The following PHKA2 variants were observed in gnomAD, a reference collection of about 807,000 sequenced individuals.
PHKA2 encodes phosphorylase kinase regulatory subunit alpha 2.
PHKA2 carries 31 observed loss-of-function variants against 102.0 expected under a neutral mutation model. The ratio of observed to expected loss-of-function variants is 0.30; its 90% CI spans 0.23 to 0.41. The LOEUF is 0.41. Ranked by LOEUF, PHKA2 falls within the 10% of genes least tolerant of loss-of-function variation. The pLI, the probability that PHKA2 is intolerant of heterozygous loss-of-function variation, is 1.00. For synonymous variants in PHKA2, 455 were observed against 416.2 expected (o/e 1.09, Z -1.13); for missense variants, 858 against 1,023.1 (o/e 0.84, Z 2.20).
chrX:18,944,781 A>G (rs757018107), intron 6 of PHKA2, among the ~76,000 whole-genome samples: 1 of 112,180 alleles, frequency 8.9e-6, no homozygotes, highest in South Asian at 3.7e-4. Context: ...AGAAGACTGG[A>G]CATCACACGT....
At chrX:18,976,099 C>T (rs1004937277) in intron 1 of PHKA2, among the ~76,000 whole-genome samples, 1 of 107,041 alleles carries the variant, frequency 9.3e-6, no homozygotes. Flanking sequence ...CTCAGCCTCC[C>T]GAGTAGCTAG....
At chrX:18,903,837 C>T (rs745616160) in intron 26 of PHKA2, among the ~76,000 whole-genome samples, 2 of 112,061 alleles carry the variant, frequency 1.8e-5, no homozygotes, top group African/African-American at 3.2e-5. Context: ...CAAGTGTGAT[C>T]GTATCACTGC....
intron 27 of PHKA2, 104 bp downstream of exon 27, chrX:18,901,381 G>T: frequency 1.7e-6 from 1 of 571,655 alleles, no homozygotes; most frequent in Non-Finnish European, 3.2e-6. Flanking sequence ...CCACTCTACA[G>T]ACAGTGGGCT....
At chrX:18,968,825 T>C (rs747151868) in intron 1 of PHKA2, among the ~76,000 whole-genome samples, 115 of 112,589 alleles carry the variant, frequency 1.0e-3, no homozygotes, top group African/African-American at 3.2e-3. Flanking sequence ...CTCATACATG[T>C]TTCCCCAAAA....
At position 18,905,925 on chromosome X, in the gene PHKA2, T is replaced by C. The variant is rs763211217; in HGVS notation, c.2807-66A>G. On this transcript the variant is annotated intron_variant, in intron 25 of 32. Coordinates refer to ENST00000379942, the MANE Select transcript of PHKA2 (RefSeq NM_000292.3). The stretch of plus-strand genomic sequence containing the variant: ...GGTGGCGGGTAAAGGTAGGGTCAGG[T>C]GGACGTGGGTGGGGAGGGAGGTGAT... 305 of 757,805 alleles carry C rather than the reference T, an allele frequency of 4.0e-4. 1 individual carries two copies. In the African/African-American group the frequency reaches 5.6e-3, roughly 14 times the overall value. 62.5% of individuals were successfully genotyped at this position (757,805 alleles called of 1,213,427 possible).
chrX:18,953,249 G>A (rs190622409), intron 2 of PHKA2, among the ~76,000 whole-genome samples: 89 of 111,657 alleles, frequency 8.0e-4, no homozygotes, highest in African/African-American at 2.9e-3. Flanking sequence ...CTGTGTTCAG[G>A]GACAGATTAT....
At chrX:18,946,245 TAG>T (rs1242297790) in intron 5 of PHKA2, among the ~76,000 whole-genome samples, 1 of 111,150 alleles carries the variant, frequency 9.0e-6, no homozygotes, top group African/African-American at 3.3e-5. Flanking sequence ...TTTCAAAATA[TAG>T]AGATTGAGAC....
chrX:18,972,635 GA>G (rs2049031823), intron 1 of PHKA2, among the ~76,000 whole-genome samples: 1 of 112,015 alleles, frequency 8.9e-6, no homozygotes, highest in South Asian at 3.7e-4. Context: ...TTGCTACTGT[GA>G]ATGCTTTTCT....
At chrX:18,983,699 G>A (rs1466435294) in intron 1 of PHKA2, among the ~76,000 whole-genome samples, 156 bp downstream of exon 1, 4 of 112,483 alleles carry the variant, frequency 3.6e-5, no homozygotes, top group African/African-American at 1.3e-4. Context: ...GCACGGGGTG[G>A]CAATGGGGTG....
chrX:18,903,739 C>T (rs1171577229), intron 26 of PHKA2, among the ~76,000 whole-genome samples: 1 of 112,111 alleles, frequency 8.9e-6, no homozygotes, highest in Non-Finnish European at 1.9e-5. Context: ...CAACCTATCG[C>T]ACCAGCCTCG....
At position 18,952,629 on chromosome X, in the gene PHKA2, T is replaced by C. The variant is rs114883556; in HGVS notation, c.238-88A>G. On this transcript the variant is annotated intron_variant, in intron 2 of 32. Transcript: ENST00000379942. The stretch of plus-strand genomic sequence containing the variant: ...CTGATCACTGTGGCTGGCAAGCCAG[T>C]GCTGCCCAGCAACTGCCCTGGAAAG... 2,827 of 917,123 alleles carry C rather than the reference T, an allele frequency of 3.1e-3. 48 individuals carry two copies. The African/African-American group carries it at 0.049, about 16-fold the overall frequency. 75.6% of individuals were successfully genotyped at this position (917,123 alleles called of 1,213,427 possible). A position where few individuals can be genotyped will look rare whatever the true frequency, so the allele number is the denominator to read the frequency against.
Position 18,893,671 on chromosome X carries a change from G to A in PHKA2, c.3538-16C>T. 1 of 1,202,042 alleles carries A rather than the reference G, an allele frequency of 8.3e-7. No individual in the cohort carries two copies. Among genetic ancestry groups the A allele is most frequent in the African/African-American group, 1.7e-5 (1 of 57,739 alleles). On this transcript the variant is annotated splice_polypyrimidine_tract_variant and intron_variant, in intron 32 of 32. Coordinates refer to ENST00000379942, the MANE Select transcript of PHKA2 (RefSeq NM_000292.3). ...CAATTGACACCTGCAGTAGGAAAGG[G>A]CAGAGGGGACAATAAGCGGAGCCCC...
chrX:18,957,203 C>A (rs745379595), intron 1 of PHKA2, among the ~76,000 whole-genome samples: 19 of 112,763 alleles, frequency 1.7e-4, no homozygotes, highest in Non-Finnish European at 3.2e-4. Flanking sequence ...CGCACCCAGC[C>A]ACTGCTTTCC....
chrX:18,960,327 C>T (rs949938841), intron 1 of PHKA2, among the ~76,000 whole-genome samples: 1 of 112,062 alleles, frequency 8.9e-6, no homozygotes, highest in African/African-American at 3.2e-5. Context: ...TGTTATGATG[C>T]CATTCTCATA....
chrX:18,977,030 G>A (rs2049098939), intron 1 of PHKA2, among the ~76,000 whole-genome samples: 2 of 111,721 alleles, frequency 1.8e-5, no homozygotes, highest in Non-Finnish European at 3.8e-5. Flanking sequence ...ATACATGTAA[G>A]GATATAAATT....
chrX:18,965,593 G>T (rs1037716702), intron 1 of PHKA2, among the ~76,000 whole-genome samples: 3 of 110,680 alleles, frequency 2.7e-5, no homozygotes, highest in African/African-American at 6.6e-5. Flanking sequence ...GGGTGTGTGT[G>T]GGGGGTGCAC....
At chrX:18,975,868 G>A (rs2049081472) in intron 1 of PHKA2, among the ~76,000 whole-genome samples, 1 of 110,143 alleles carries the variant, frequency 9.1e-6, no homozygotes, top group Non-Finnish European at 1.9e-5. Context: ...GCAGCCAATG[G>A]AGTGACTCTT....
At position 18,926,413 on chromosome X, in the gene PHKA2, C is replaced by T. The variant is rs371146464; in HGVS notation, c.1459+40G>A. The T allele has an allele frequency of 5.5e-5, 61 of 1,119,187 alleles. No individual in the cohort carries two copies. The African/African-American group carries it at 9.0e-4, about 17-fold the overall frequency. The allele number at this position is 1,119,187 out of a possible 1,213,427, so 92.2% of individuals were successfully genotyped here. A position where few individuals can be genotyped will look rare whatever the true frequency, so the allele number is the denominator to read the frequency against. On this transcript the variant is annotated intron_variant, in intron 14 of 32. Coordinates refer to ENST00000379942, the MANE Select transcript of PHKA2 (RefSeq NM_000292.3). ...GACCCCAAATCTAGAACCGAGATGC[C>T]CCCATGCCAAAAAGGCCCAGGTAAT...
intron 32 of PHKA2, 90 bp from the exon 33 acceptor site, chrX:18,893,745 C>T (rs775603636): frequency 9.6e-5 from 83 of 868,780 alleles, no homozygotes; most frequent in Non-Finnish European, 1.3e-4. Context: ...TCAACATGGG[C>T]AGGGGTGAGG....
Sources: allele counts gnomAD v4.1 joint callset (sites outside exome capture counted in the v4.1 genomes callset), GRCh38; gene constraint gnomAD v4.1.1; transcripts MANE v1.5; gene names NCBI Gene and HGNC (gene_info 2026-07-23, HGNC 2026-07-21).